The following CCSER1 variants were observed in gnomAD, a reference collection of about 807,000 sequenced individuals.
CCSER1 encodes the protein coiled-coil serine rich protein 1, also known as serine-rich coiled-coil domain-containing protein 1.
A neutral mutation model predicts 82.0 loss-of-function variants in CCSER1; 41 were observed. That is an observed-to-expected ratio of 0.50 (90% CI 0.39 to 0.65). The LOEUF is 0.65. Ranked by LOEUF, CCSER1 falls within the 30% of genes least tolerant of loss-of-function variation. The pLI, the probability that CCSER1 is intolerant of heterozygous loss-of-function variation, is 0.00. For missense variants in CCSER1, 1,119 were observed against 1,064.2 expected (o/e 1.05, Z -0.72); for synonymous variants, 414 against 383.9 (o/e 1.08, Z -0.92).
At chr4:90,169,102 C>A (rs1731126823) in intron 1 of CCSER1, among the ~76,000 whole-genome samples, 1 of 151,938 alleles carries the variant, frequency 6.6e-6, no homozygotes, top group South Asian at 2.1e-4. Context: ...TTCTTCCTAC[C>A]CATGAGCATG....
chr4:90,617,948 A>G (rs1359882895), intron 5 of CCSER1, among the ~76,000 whole-genome samples: 1 of 152,000 alleles, frequency 6.6e-6, no homozygotes, highest in Non-Finnish European at 1.5e-5. Flanking sequence ...AGTAATCTAG[A>G]TGATTTTTGT....
At chr4:90,420,166 T>A (rs1756460852) in intron 4 of CCSER1, among the ~76,000 whole-genome samples, 1 of 151,992 alleles carries the variant, frequency 6.6e-6, no homozygotes, top group African/African-American at 2.4e-5. Flanking sequence ...TATTAGCTGT[T>A]TTTGCTCGAC....
At chr4:91,501,590 T>G (rs1042220239) in intron 10 of CCSER1, among the ~76,000 whole-genome samples, 2 of 152,098 alleles carry the variant, frequency 1.3e-5, no homozygotes, top group Non-Finnish European at 2.9e-5. Flanking sequence ...ATCAATAACT[T>G]TAATTTCTCC....
At chr4:91,327,378 G>A (rs1289868582) in intron 10 of CCSER1, among the ~76,000 whole-genome samples, 1 of 152,208 alleles carries the variant, frequency 6.6e-6, no homozygotes, top group Admixed American at 6.5e-5. Context: ...AATGGTTGGA[G>A]CTGCACCTTG....
At chr4:90,408,020 C>G (rs375786164) in intron 4 of CCSER1, among the ~76,000 whole-genome samples, 15 of 152,292 alleles carry the variant, frequency 9.8e-5, no homozygotes, top group Middle Eastern at 3.4e-3. Flanking sequence ...CCTACGTCCA[C>G]GGAGCCTCAC....
chr4:90,276,251 T>TTCC (rs1727657735), intron 1 of CCSER1, among the ~76,000 whole-genome samples: 45 of 76,786 alleles, frequency 5.9e-4, no homozygotes, highest in East Asian at 1.2e-3. Flanking sequence ...TCTTTCTTTC[T>TTCC]TTCCTTCCTT....
chr4:91,565,887 T>A (rs1198455861), intron 10 of CCSER1, among the ~76,000 whole-genome samples: 1 of 152,120 alleles, frequency 6.6e-6, no homozygotes, highest in Non-Finnish European at 1.5e-5. Flanking sequence ...TTATTCCTTT[T>A]TCTTGCCTGA....
At chr4:90,514,939 C>T (rs111801279) in intron 5 of CCSER1, among the ~76,000 whole-genome samples, 5,261 of 150,574 alleles carry the variant, frequency 0.035, 334 homozygotes, top group African/African-American at 0.12. Context: ...TTCACTGCAA[C>T]CTCTGCCTCT....
intron 9 of CCSER1, among the ~76,000 whole-genome samples, chr4:91,032,579 G>A (rs890918669): frequency 6.6e-6 from 1 of 152,130 alleles, no homozygotes; most frequent in Non-Finnish European, 1.5e-5. Flanking sequence ...TTGATAGATA[G>A]GAAGGAACAC....
chr4:91,277,873 G>A (rs1032476670), intron 10 of CCSER1, among the ~76,000 whole-genome samples: 1 of 151,824 alleles, frequency 6.6e-6, no homozygotes, highest in Non-Finnish European at 1.5e-5. Flanking sequence ...GTTTTGATAT[G>A]TTGTGTCTCA....
chr4:90,197,644 C>T (rs761200019), intron 1 of CCSER1, among the ~76,000 whole-genome samples: 3 of 151,928 alleles, frequency 2.0e-5, no homozygotes, highest in Non-Finnish European at 4.4e-5. Flanking sequence ...TGGATGGAAC[C>T]GGAGGTCATT....
intron 10 of CCSER1, among the ~76,000 whole-genome samples, chr4:91,398,611 G>A (rs1289076350): frequency 6.6e-6 from 1 of 151,740 alleles, no homozygotes; most frequent in Non-Finnish European, 1.5e-5. Context: ...GCATAGTGTA[G>A]GGGAAATTAA....
At chr4:90,301,831 A>G (rs1479983273) in intron 1 of CCSER1, among the ~76,000 whole-genome samples, 1 of 152,120 alleles carries the variant, frequency 6.6e-6, no homozygotes, top group Non-Finnish European at 1.5e-5. Context: ...TGTTATAAAA[A>G]CATTGTAGTA....
chr4:90,827,722 G>A (rs983024125), intron 8 of CCSER1, among the ~76,000 whole-genome samples: 3 of 152,158 alleles, frequency 2.0e-5, no homozygotes, highest in African/African-American at 7.2e-5. Flanking sequence ...TCTAAAAGCT[G>A]TGTAGGGGAG....
rs552841661 is a variant in CCSER1 at position 90,715,973 on chromosome 4, T to A, written c.1933-7941T>A. Reference sequence around the variant, plus strand: ...ATAATATACCCATAAAATGTAATACTATATAGTATTGATATACAGTCATAA... The same window carrying A: ...ATAATATACCCATAAAATGTAATACAATATAGTATTGATATACAGTCATAA... On this transcript the variant is annotated intron_variant, in intron 6 of 10. Transcript: ENST00000509176. Among the ~76,000 whole-genome samples the A allele has an allele frequency of 1.1e-4, 16 of 151,860 alleles. No individual in the cohort carries two copies. The East Asian group carries it at 2.7e-3, about 26-fold the overall frequency.
rs550746070 is a variant in CCSER1, at chr4:90,413,936, G to A, written c.1603+13807G>A. Among the ~76,000 whole-genome samples the A allele has an allele frequency of 7.8e-3, 727 of 92,768 alleles. 3 individuals carry two copies. In the Middle Eastern group the frequency reaches 0.1, roughly 13 times the overall value. The allele number at this position is 92,768 out of a possible 152,430, so 60.9% of individuals were successfully genotyped here. On this transcript the variant is annotated intron_variant, in intron 4 of 10. Coordinates refer to ENST00000509176, the MANE Select transcript of CCSER1 (RefSeq NM_001145065.2). ...TGCACCCCAGCCTGGGTGACAGAGCGAGACACCGTCTCAAAAAAAAAAAAA... is the reference window on the plus strand; with the variant it reads ...TGCACCCCAGCCTGGGTGACAGAGCAAGACACCGTCTCAAAAAAAAAAAAA...
chr4:90,773,239 T>C (rs1250412792), intron 7 of CCSER1, among the ~76,000 whole-genome samples: 1 of 152,186 alleles, frequency 6.6e-6, no homozygotes, highest in Non-Finnish European at 1.5e-5. Context: ...AAACTCTGTC[T>C]CAAAAATGAA....
chr4:91,028,540 A>ATATCAATATACTTGGT (rs1426434344), intron 9 of CCSER1, among the ~76,000 whole-genome samples: 1 of 152,012 alleles, frequency 6.6e-6, no homozygotes, highest in Admixed American at 6.6e-5. Context: ...ATTGATATGT[A>ATATCAATATACTTGGT]ATACTTACCA....
intron 10 of CCSER1, among the ~76,000 whole-genome samples, chr4:91,472,190 T>G (rs1757319727): frequency 6.6e-6 from 1 of 152,134 alleles, no homozygotes. Flanking sequence ...TGCCAACTGG[T>G]GAGCTTTCAT....
Sources: allele counts gnomAD v4.1 joint callset (sites outside exome capture counted in the v4.1 genomes callset), GRCh38; gene constraint gnomAD v4.1.1; transcripts MANE v1.5; gene names NCBI Gene and HGNC (gene_info 2026-07-23, HGNC 2026-07-21).